Variants in SORCS1 observed in about 807,000 individuals in gnomAD.
SORCS1 encodes sortilin related VPS10 domain containing receptor 1, also known as VPS10 domain-containing receptor SorCS1.
A neutral mutation model predicts 146.1 loss-of-function variants in SORCS1; 60 were observed. The observed-to-expected ratio is 0.41, with a 90% CI of 0.33 to 0.51. SORCS1 has a LOEUF of 0.51. Ranked by LOEUF, SORCS1 falls within the 20% of genes least tolerant of loss-of-function variation. The probability of loss-of-function intolerance (pLI) is 0.21; values close to 1 mark genes in which losing one functional copy is unlikely to be tolerated. For synonymous variants in SORCS1, 637 were observed against 584.0 expected (o/e 1.09, Z -1.31); for missense variants, 1,352 against 1,487.6 (o/e 0.91, Z 1.50).
At chr10:106,647,012 TATATATA>T (rs1849496333) in intron 18 of SORCS1, among the ~76,000 whole-genome samples, 8 of 426 alleles carry the variant, frequency 0.019, no homozygotes, top group African/African-American at 0.021. Flanking sequence ...TATGTGTATA[TATATATA>T]TATATATATA....
At chr10:106,996,454 A>T (rs1337023683) in intron 1 of SORCS1, among the ~76,000 whole-genome samples, 2 of 152,116 alleles carry the variant, frequency 1.3e-5, no homozygotes, top group African/African-American at 2.4e-5. Context: ...TACAGACAAA[A>T]TGCATATTTT....
chr10:106,671,323 T>A lies in SORCS1; in HGVS notation c.2103A>T (p.Arg701=). The A allele has an allele frequency of 1.2e-6, 2 of 1,614,196 alleles. No individual in the cohort carries two copies. Among genetic ancestry groups the A allele is most frequent in the Middle Eastern group, 3.3e-4 (2 of 6,062 alleles). Residue 701 remains arginine (R), a synonymous_variant, in exon 16 of 26, where the codon CGA becomes CGT. Transcript: ENST00000263054. ...CTTGCATACACTTCCGCTCTGATTT[T>A]CGCTTCTTATATATCCTTTTTGCTC... ...IMGAKRIYKK[R]KSERKCMQGK... is the part of the protein sequence containing the mutation.
chr10:106,896,243 A>G (rs987307936), intron 2 of SORCS1, among the ~76,000 whole-genome samples: 1 of 152,050 alleles, frequency 6.6e-6, no homozygotes, highest in Non-Finnish European at 1.5e-5. Context: ...AGCCTGACCA[A>G]CATGGTGAAA....
At chr10:106,856,986 G>C (rs1220206022) in intron 2 of SORCS1, among the ~76,000 whole-genome samples, 6 of 152,200 alleles carry the variant, frequency 3.9e-5, no homozygotes, top group Non-Finnish European at 5.9e-5. Context: ...TAGGAAAATG[G>C]ACAAACTGTG....
intron 2 of SORCS1, among the ~76,000 whole-genome samples, chr10:106,864,731 T>G (rs1950163793): frequency 6.6e-6 from 1 of 151,798 alleles, no homozygotes; most frequent in Non-Finnish European, 1.5e-5. Context: ...CTCCTAGGGT[T>G]GGGGGGTGGG....
rs1589790672 is a variant in SORCS1 at position 106,957,338 on chromosome 10, T to TA, written c.559-759dup. Among the ~76,000 whole-genome samples the TA allele has an allele frequency of 2.0e-5, 3 of 151,912 alleles. No homozygotes were observed. In the East Asian group the frequency reaches 5.8e-4, roughly 29 times the overall value. On this transcript the variant is annotated intron_variant, in intron 1 of 25. Coordinates refer to ENST00000263054, the MANE Select transcript of SORCS1 (RefSeq NM_052918.5). Reference sequence around the variant, plus strand: ...ACAGTTGCCCACCACCACGCCCGGCTAATTTTTTGCATTTTTAGAGATGGG... The same window carrying TA: ...ACAGTTGCCCACCACCACGCCCGGCTAAATTTTTTGCATTTTTAGAGATGGG...
At chr10:106,700,047 A>T (rs1403628755) in intron 8 of SORCS1, among the ~76,000 whole-genome samples, 2 of 152,180 alleles carry the variant, frequency 1.3e-5, no homozygotes, top group East Asian at 3.8e-4. Context: ...ACTAACCCTC[A>T]TGTTAGTGTG....
Position 106,611,974 on chromosome 10 carries a change from G to C in SORCS1, c.2970C>G (p.Tyr990Ter). 6.2e-7 allele frequency: 1 copy of C among 1,614,176 alleles called. No homozygotes were observed. The highest frequency in any genetic ancestry group is 8.5e-7 in the Non-Finnish European group (1 of 1,180,016). ...TCCTCCACTCAGGGATGTCCGGGTT[G>C]TAGTCATCCAGGTTTGGAGAAAAGG... is the stretch of plus-strand genomic sequence containing the variant. ...RLSFSPNLDD[Y>*]NPDIPEWRRD... The change falls in exon 22 of 26, where the codon TAC (tyrosine) becomes TAG (stop). Residue 990 changes from tyrosine (Y) to a stop codon, truncating the protein, a stop_gained. Coordinates refer to ENST00000263054, the MANE Select transcript of SORCS1 (RefSeq NM_052918.5). LOFTEE classifies it high-confidence loss of function.
chr10:107,151,852 G>A (rs1379678082), intron 1 of SORCS1, among the ~76,000 whole-genome samples: 2 of 152,204 alleles, frequency 1.3e-5, no homozygotes, highest in Admixed American at 6.5e-5. Flanking sequence ...ATTCTGGGGG[G>A]AGAAATTCAA....
intron 3 of SORCS1, among the ~76,000 whole-genome samples, chr10:106,797,460 G>A (rs1483912524): frequency 6.6e-6 from 1 of 151,818 alleles, no homozygotes; most frequent in African/African-American, 2.4e-5. Context: ...AAACCACACA[G>A]ATTTTCTTCT....
chr10:107,068,665 G>A (rs998675238), intron 1 of SORCS1, among the ~76,000 whole-genome samples: 37 of 152,126 alleles, frequency 2.4e-4, no homozygotes, highest in African/African-American at 8.4e-4. Context: ...AGGAGATCAA[G>A]ACCATCCTGG....
chr10:107,143,756 G>A (rs1167668717), intron 1 of SORCS1, among the ~76,000 whole-genome samples: 1 of 151,956 alleles, frequency 6.6e-6, no homozygotes, highest in Non-Finnish European at 1.5e-5. Context: ...TGCCCGCCTT[G>A]GCCTCCCAAA....
chr10:106,616,952 C>CT (rs869157881), intron 21 of SORCS1, among the ~76,000 whole-genome samples: 4 of 490 alleles, frequency 8.2e-3, no homozygotes, highest in African/African-American at 0.013. Flanking sequence ...CTTGCTCTTT[C>CT]TTTTTTTTTT....
chr10:106,679,384 A>G (rs762367314), intron 11 of SORCS1, 52 bp from the exon 12 acceptor site: 7 of 1,416,878 alleles, frequency 4.9e-6, no homozygotes, highest in South Asian at 1.2e-5. Context: ...AAAAGCAACA[A>G]TGGACTATAT....
At chr10:106,937,890 G>A (rs1289417173) in intron 2 of SORCS1, among the ~76,000 whole-genome samples, 1 of 151,686 alleles carries the variant, frequency 6.6e-6, no homozygotes, top group Non-Finnish European at 1.5e-5. Flanking sequence ...CTTGACCTCG[G>A]GAGGCGGAGG....
chr10:106,671,318 G>A lies in SORCS1; in HGVS notation c.2108C>T (p.Ser703Leu). 1 of 1,614,122 alleles carries A rather than the reference G, an allele frequency of 6.2e-7. No individual in the cohort carries two copies. Among genetic ancestry groups the A allele is most frequent in the Non-Finnish European group, 8.5e-7 (1 of 1,180,004 alleles). The change falls in exon 16 of 26, where the codon TCA becomes TTA. Residue 703 changes from serine (S) to leucine (L), a missense_variant. Physicochemically the swap from Ser to Leu is moderately radical, Grantham distance 145. Coordinates refer to ENST00000263054, the MANE Select transcript of SORCS1 (RefSeq NM_052918.5). ...GAKRIYKKRKSERKCMQGKYA... is the reference protein window; with the variant it reads ...GAKRIYKKRKLERKCMQGKYA... Reference sequence around the variant, plus strand: ...TTTTCCTTGCATACACTTCCGCTCTGATTTTCGCTTCTTATATATCCTTTT... The same window carrying A: ...TTTTCCTTGCATACACTTCCGCTCTAATTTTCGCTTCTTATATATCCTTTT...
chr10:106,722,120 TACACAC>T (rs140882766), intron 6 of SORCS1, among the ~76,000 whole-genome samples: 6 of 144,358 alleles, frequency 4.2e-5, no homozygotes, highest in African/African-American at 1.5e-4. Context: ...AATATATAAA[TACACAC>T]ACACACACAC....
At chr10:106,599,822 A>G (rs1255118159) in intron 23 of SORCS1, among the ~76,000 whole-genome samples, 3 of 150,248 alleles carry the variant, frequency 2.0e-5, no homozygotes, top group Non-Finnish European at 4.4e-5. Context: ...CCCAGGCTGG[A>G]GTGCAATGGC....
At chr10:107,018,662 T>C (rs959168972) in intron 1 of SORCS1, among the ~76,000 whole-genome samples, 1 of 150,542 alleles carries the variant, frequency 6.6e-6, no homozygotes, top group Non-Finnish European at 1.5e-5. Context: ...TAGCAATAGG[T>C]AAAGAAGGAA....
Sources: allele counts gnomAD v4.1 joint callset (sites outside exome capture counted in the v4.1 genomes callset), GRCh38; gene constraint gnomAD v4.1.1; transcripts MANE v1.5; gene names NCBI Gene and HGNC (gene_info 2026-07-23, HGNC 2026-07-21).